The following NFIB variants were observed in gnomAD, a reference collection of about 807,000 sequenced individuals.
NFIB encodes the protein nuclear factor 1 B-type.
NFIB carries 11 observed loss-of-function variants against 61.5 expected under a neutral mutation model. The observed-to-expected ratio is 0.18, with a 90% CI of 0.11 to 0.30. The LOEUF (loss-of-function observed/expected upper bound fraction) is 0.30. Ranked by LOEUF, NFIB falls within the 10% of genes least tolerant of loss-of-function variation. The pLI, the probability that NFIB is intolerant of heterozygous loss-of-function variation, is 1.00. For missense variants in NFIB, 471 were observed against 608.9 expected (o/e 0.77, Z 2.38); for synonymous variants, 260 against 216.5 (o/e 1.20, Z -1.76).
At chr9:14,345,503 C>G (rs2061007201) in intron 1 of NFIB, among the ~76,000 whole-genome samples, 1 of 152,134 alleles carries the variant, frequency 6.6e-6, no homozygotes, top group African/African-American at 2.4e-5. Flanking sequence ...TGAGGCTATG[C>G]GAAAGGTGCA....
intron 3 of NFIB, among the ~76,000 whole-genome samples, chr9:14,156,432 T>C (rs1300353489): frequency 6.6e-6 from 1 of 152,220 alleles, no homozygotes; most frequent in Non-Finnish European, 1.5e-5. Context: ...ATACAGCAAA[T>C]ACAGAACTTT....
chr9:14,475,354 C>T, the NFIB span, among the ~76,000 whole-genome samples: 25,219 of 152,074 alleles, frequency 0.17, 3,042 homozygotes, highest in African/African-American at 0.34. Flanking sequence ...AAGAACCTTT[C>T]GACCATTAGT....
chr9:14,306,588 T>G (rs1463575686), intron 2 of NFIB, among the ~76,000 whole-genome samples: 1 of 152,306 alleles, frequency 6.6e-6, no homozygotes, highest in African/African-American at 2.4e-5. Flanking sequence ...TAGGATGGTT[T>G]GGCTATTCAT....
intron 2 of NFIB, among the ~76,000 whole-genome samples, chr9:14,190,582 G>C (rs1412149647): frequency 6.6e-6 from 1 of 152,116 alleles, no homozygotes; most frequent in African/African-American, 2.4e-5. Flanking sequence ...AAAACTACTT[G>C]AATAATGCAT....
chr9:14,297,019 C>G (rs143219442), intron 2 of NFIB, among the ~76,000 whole-genome samples: 1 of 152,192 alleles, frequency 6.6e-6, no homozygotes, highest in Non-Finnish European at 1.5e-5. Context: ...TGTGTGCATG[C>G]GCACACCCCC....
At position 14,313,760 on chromosome 9, in the gene NFIB, G is replaced by A; in HGVS notation, c.-249C>T. 12 of 1,352,808 alleles carry A rather than the reference G, an allele frequency of 8.9e-6. No homozygotes were observed. Among genetic ancestry groups the A allele is most frequent in the South Asian group, 5.1e-5 (3 of 58,366 alleles). 83.8% of individuals were successfully genotyped at this position (1,352,808 alleles called of 1,614,324 possible). On this transcript the variant is annotated 5_prime_UTR_variant, in exon 1 of 11. Coordinates refer to ENST00000380953, the MANE Select transcript of NFIB (RefSeq NM_001190737.2). This position sits in a 1 kb window ranked among gnomAD's most constrained non-coding sequence, Gnocchi z 4.5. ...TACACTTTTAACCCTCTTGCAGTCC[G>A]AGCGCGCTGGCCGTGCTTGCCGAGG...
At chr9:14,257,496 C>T (rs1262854723) in intron 2 of NFIB, among the ~76,000 whole-genome samples, 2 of 152,170 alleles carry the variant, frequency 1.3e-5, no homozygotes, top group African/African-American at 4.8e-5. Flanking sequence ...TGGCTCACAC[C>T]TGTAATGCCA....
chr9:14,499,373 A>T, the NFIB span, among the ~76,000 whole-genome samples: 1 of 152,048 alleles, frequency 6.6e-6, no homozygotes, highest in Admixed American at 6.5e-5. Flanking sequence ...TGGTCAGGAC[A>T]GCTGTGCCCC....
At chr9:14,469,898 G>A in the NFIB span, among the ~76,000 whole-genome samples, 2 of 152,172 alleles carry the variant, frequency 1.3e-5, no homozygotes, top group African/African-American at 4.8e-5. Context: ...ATCAAGGCTT[G>A]AAAATTTCAA....
At chr9:14,116,529 T>C (rs2119094216) in intron 8 of NFIB, among the ~76,000 whole-genome samples, 183 bp from the exon 9 acceptor site, 1 of 152,372 alleles carries the variant, frequency 6.6e-6, no homozygotes, top group Non-Finnish European at 1.5e-5. Flanking sequence ...AGCAGCAGCA[T>C]TTCAAAGAAG....
intron 6 of NFIB, 63 bp downstream of exon 6, chr9:14,146,626 G>A (rs2042302593): frequency 4.1e-5 from 66 of 1,608,636 alleles, no homozygotes; most frequent in South Asian, 3.4e-4. Context: ...TTGACTCAAC[G>A]AAACTTAAGA....
intron 2 of NFIB, among the ~76,000 whole-genome samples, chr9:14,183,643 G>A (rs967408852): frequency 2.0e-5 from 3 of 151,928 alleles, no homozygotes; most frequent in East Asian, 1.9e-4. Context: ...GGCCTGAAGC[G>A]ATCCGCCTAC....
At chr9:14,445,714 G>C in the NFIB span, among the ~76,000 whole-genome samples, 1 of 152,114 alleles carries the variant, frequency 6.6e-6, no homozygotes, top group Non-Finnish European at 1.5e-5. Flanking sequence ...GAGCATTGCT[G>C]GTTTGGTTTT....
the NFIB span, among the ~76,000 whole-genome samples, chr9:14,507,884 C>T: frequency 6.6e-6 from 1 of 151,768 alleles, no homozygotes; most frequent in Non-Finnish European, 1.5e-5. Context: ...AGACAGGTGA[C>T]AAAATTTTTC....
chr9:14,308,012 C>T (rs1189507599), intron 1 of NFIB: 1 of 153,132 alleles, frequency 6.5e-6, no homozygotes, highest in Non-Finnish European at 1.5e-5. Flanking sequence ...TTTCTCTTCT[C>T]TGTGGCACAG....
intron 2 of NFIB, chr9:14,204,882 G>A (rs2049462274): frequency 5.4e-6 from 2 of 371,452 alleles, no homozygotes; most frequent in Non-Finnish European, 1.0e-5. Flanking sequence ...GAAGACAAAG[G>A]GGCTTTGGTT....
intron 3 of NFIB, among the ~76,000 whole-genome samples, chr9:14,178,534 T>C (rs889805312): frequency 2.0e-5 from 3 of 152,146 alleles, no homozygotes; most frequent in African/African-American, 7.2e-5. Flanking sequence ...TAGAACTTTT[T>C]ATCTTTGAAG....
At chr9:14,361,188 A>G (rs1232410937) in intron 1 of NFIB, 11 of 151,818 alleles carry the variant, frequency 7.2e-5, no homozygotes, top group Admixed American at 6.6e-4. Flanking sequence ...TTAAATTCAG[A>G]TAAGTTTAAC....
chr9:14,401,846 G>A (rs1407293223), upstream of NFIB, among the ~76,000 whole-genome samples: 1 of 151,544 alleles, frequency 6.6e-6, no homozygotes, highest in Non-Finnish European at 1.5e-5. Context: ...TCCCTAATGT[G>A]CTTCATTTCA....
Sources: gnomAD v4.1 joint callset for allele counts (sites outside exome capture counted in the v4.1 genomes callset) on GRCh38, gnomAD v4.1.1 for gene constraint, Gnocchi (gnomAD v3.1) non-coding constraint, MANE v1.5 for transcripts, NCBI Gene and HGNC (gene_info 2026-07-23, HGNC 2026-07-21) for gene names.